TMEM178B: variants seen among roughly 807,000 people sequenced by gnomAD.
The protein encoded by TMEM178B is transmembrane protein 178B.
TMEM178B carries 5 observed loss-of-function variants against 31.0 expected under a neutral mutation model. That is an observed-to-expected ratio of 0.16 (90% confidence interval 0.08 to 0.34). The LOEUF (loss-of-function observed/expected upper bound fraction) is 0.34. Ranked by LOEUF, TMEM178B falls within the 10% of genes least tolerant of loss-of-function variation. The pLI, the probability that TMEM178B is intolerant of heterozygous loss-of-function variation, is 1.00. For missense variants in TMEM178B, 275 were observed against 400.3 expected (o/e 0.69, Z 2.67); for synonymous variants, 164 against 164.0 (o/e 1.00, Z 0.00).
intron 1 of TMEM178B, among the ~76,000 whole-genome samples, chr7:141,169,419 C>A (rs1272019862): frequency 6.6e-6 from 1 of 152,198 alleles, no homozygotes; most frequent in Non-Finnish European, 1.5e-5. Context: ...TGCATATGTG[C>A]CACATTTTCT....
At chr7:141,187,098 C>A (rs1321878440) in intron 1 of TMEM178B, among the ~76,000 whole-genome samples, 10 of 112,962 alleles carry the variant, frequency 8.9e-5, no homozygotes, top group Middle Eastern at 6.6e-3. Context: ...CCCCTCCCCC[C>A]ACCCCACAAC....
chr7:141,387,912 G>A (rs932825582), intron 2 of TMEM178B, among the ~76,000 whole-genome samples: 2 of 151,930 alleles, frequency 1.3e-5, no homozygotes, highest in African/African-American at 4.8e-5. Flanking sequence ...CCCCTTTCCC[G>A]CAGGCAGCCC....
At chr7:141,232,024 T>C (rs1032544673) in intron 2 of TMEM178B, among the ~76,000 whole-genome samples, 14 of 152,162 alleles carry the variant, frequency 9.2e-5, no homozygotes, top group Non-Finnish European at 1.8e-4. Flanking sequence ...TGTGTTCTCA[T>C]CGTTCAGCTC....
At chr7:141,179,428 G>T (rs572373370) in intron 1 of TMEM178B, among the ~76,000 whole-genome samples, 1 of 152,192 alleles carries the variant, frequency 6.6e-6, no homozygotes, top group Admixed American at 6.5e-5. Flanking sequence ...GCAAGGAGAG[G>T]CTTTCTGATA....
intron 2 of TMEM178B, among the ~76,000 whole-genome samples, chr7:141,240,616 G>C (rs1797601831): frequency 6.6e-6 from 1 of 152,218 alleles, no homozygotes; most frequent in African/African-American, 2.4e-5. Context: ...CTATTTAATT[G>C]ATTAGATTGC....
the TMEM178B span, among the ~76,000 whole-genome samples, chr7:141,488,068 G>C: frequency 2.0e-5 from 3 of 151,680 alleles, no homozygotes; most frequent in Non-Finnish European, 2.9e-5. Context: ...AACAGTGAAG[G>C]GTTGGGACCT....
intron 1 of TMEM178B, among the ~76,000 whole-genome samples, chr7:141,138,709 G>A (rs955714159): frequency 1.3e-5 from 2 of 152,116 alleles, no homozygotes; most frequent in Non-Finnish European, 2.9e-5. Context: ...GTGGCCGGGC[G>A]GGGTGGCTCA....
chr7:141,148,822 G>A (rs1435344973), intron 1 of TMEM178B, among the ~76,000 whole-genome samples: 1 of 152,162 alleles, frequency 6.6e-6, no homozygotes, highest in Non-Finnish European at 1.5e-5. Context: ...AAGATCTCTG[G>A]GAAGATTTCT....
chr7:141,329,800 T>TA (rs1267724588), intron 2 of TMEM178B, among the ~76,000 whole-genome samples: 1 of 152,166 alleles, frequency 6.6e-6, no homozygotes, highest in East Asian at 1.9e-4. Flanking sequence ...AGGGAACTGA[T>TA]AAAGGGACAG....
At position 141,265,802 on chromosome 7, in the gene TMEM178B, A is replaced by G. The variant is rs191610173; in HGVS notation, c.496+53098A>G. 6.4e-3 allele frequency among the ~76,000 whole-genome samples: 977 copies of G among 152,326 alleles called. 5 individuals are homozygous for G. Among genetic ancestry groups the G allele is most frequent in the Middle Eastern group, 0.02 (6 of 294 alleles). ...TAGTTTAAGGTAAACTGTATAGTTTAAGGTGCTCTCATGTACTTCCTTGGT... is the reference window on the plus strand; with the variant it reads ...TAGTTTAAGGTAAACTGTATAGTTTGAGGTGCTCTCATGTACTTCCTTGGT... On this transcript the variant is annotated intron_variant, in intron 2 of 3. Transcript: ENST00000565468.
At chr7:141,345,063 G>C (rs1409322577) in intron 2 of TMEM178B, among the ~76,000 whole-genome samples, 7 of 152,164 alleles carry the variant, frequency 4.6e-5, no homozygotes, top group African/African-American at 1.7e-4. Context: ...TCATGAAAAA[G>C]AGCTTGGAAA....
chr7:141,232,487 C>T (rs950680597), intron 2 of TMEM178B, among the ~76,000 whole-genome samples: 2 of 152,084 alleles, frequency 1.3e-5, no homozygotes, highest in African/African-American at 4.8e-5. Flanking sequence ...ACTTGACTAT[C>T]TAATAATTAC....
intron 2 of TMEM178B, among the ~76,000 whole-genome samples, chr7:141,295,203 A>G (rs1798610963): frequency 2.0e-5 from 3 of 152,190 alleles, no homozygotes; most frequent in Admixed American, 1.3e-4. Flanking sequence ...TGAAGAAGGT[A>G]TCCAGATTCC....
At chr7:141,380,373 A>T (rs974702344) in intron 2 of TMEM178B, among the ~76,000 whole-genome samples, 1 of 152,168 alleles carries the variant, frequency 6.6e-6, no homozygotes, top group African/African-American at 2.4e-5. Context: ...ATTGTAAAAA[A>T]CTTTCTGCAG....
intron 2 of TMEM178B, among the ~76,000 whole-genome samples, chr7:141,308,548 G>A (rs1186067812): frequency 6.6e-6 from 1 of 152,070 alleles, no homozygotes; most frequent in East Asian, 1.9e-4. Context: ...ACAGGCATGA[G>A]CCACTGTGCC....
At chr7:141,266,617 C>G (rs1462043484) in intron 2 of TMEM178B, among the ~76,000 whole-genome samples, 1 of 152,118 alleles carries the variant, frequency 6.6e-6, no homozygotes, top group Non-Finnish European at 1.5e-5. Context: ...GGGGCTGCCT[C>G]TGGACATCTT....
rs1040743517 is a variant in TMEM178B, at chr7:141,470,594, A to G, written c.693A>G (p.Ser231=). 3.3e-6 allele frequency: 5 copies of G among 1,535,012 alleles called. No individual in the cohort carries two copies. In the African/African-American group the frequency reaches 5.5e-5, roughly 17 times the overall value. The change falls in exon 4 of 4, where the codon TCA becomes TCG. Residue 231 remains serine (S), a synonymous_variant. Coordinates refer to ENST00000565468, the MANE Select transcript of TMEM178B (RefSeq NM_001195278.2). ...TGGCCGGGATCAACTTTGAGCTGTC[A>G]CGCTACCCACGCTACCTGTACGGAC... ...TCVAGINFEL[S]RYPRYLYGLP...
At chr7:141,488,527 C>T in the TMEM178B span, among the ~76,000 whole-genome samples, 1 of 152,046 alleles carries the variant, frequency 6.6e-6, no homozygotes, top group Non-Finnish European at 1.5e-5. Context: ...GCAACCTCTG[C>T]CTCCCGGGTT....
At chr7:141,104,156 C>T (rs566133669) in intron 1 of TMEM178B, among the ~76,000 whole-genome samples, 13 of 152,258 alleles carry the variant, frequency 8.5e-5, no homozygotes, top group East Asian at 5.8e-4. Flanking sequence ...TGCTTTTCCC[C>T]GACCTCCTGA....
Sources: gnomAD v4.1 joint callset for allele counts (sites outside exome capture counted in the v4.1 genomes callset) on GRCh38, gnomAD v4.1.1 for gene constraint, MANE v1.5 for transcripts, NCBI Gene and HGNC (gene_info 2026-07-23, HGNC 2026-07-21) for gene names.